Variants in SLC29A4 observed in about 807,000 individuals in gnomAD.
SLC29A4 encodes the protein solute carrier family 29 member 4, also known as equilibrative nucleoside transporter 4.
Under a neutral mutation model 43.9 loss-of-function variants are expected in SLC29A4, and 36 were observed. The observed-to-expected ratio is 0.82, with a 90% CI of 0.63 to 1.08. The LOEUF (loss-of-function observed/expected upper bound fraction) is 1.08. SLC29A4 is among the 50% of genes least tolerant of loss of function. SLC29A4 has a pLI of 0.00. For missense variants in SLC29A4, 869 were observed against 755.3 expected (o/e 1.15, Z -1.77); for synonymous variants, 491 against 338.0 (o/e 1.45, Z -4.97).
At chr7:5,292,839 C>T (rs1350963004) in intron 5 of SLC29A4, among the ~76,000 whole-genome samples, 1 of 151,440 alleles carries the variant, frequency 6.6e-6, no homozygotes, top group African/African-American at 2.4e-5. Context: ...ACTGGGATTA[C>T]AGGTGCCCGC....
Position 5,299,043 on chromosome 7 carries a change from A to C in SLC29A4, c.938A>C (p.His313Pro). 6.2e-7 allele frequency: 1 copy of C among 1,612,170 alleles called. No individual in the cohort carries two copies. The highest frequency in any genetic ancestry group is 2.2e-5 in the East Asian group (1 of 44,858). Reference sequence around the variant, plus strand: ...GAGTCCCCAAAGGACAGCCCAGCCCACGAGGTGACCGGCAGCGGCGGGGCC... The same window carrying C: ...GAGTCCCCAAAGGACAGCCCAGCCCCCGAGGTGACCGGCAGCGGCGGGGCC... ...PNESPKDSPAHEVTGSGGAYM... is the reference protein window; with the variant it reads ...PNESPKDSPAPEVTGSGGAYM... The change falls in exon 8 of 11, where the codon CAC (histidine) becomes CCC (proline). Residue 313 changes from histidine (H) to proline (P), a missense_variant. His to Pro is a moderately conservative substitution (Grantham distance 77, BLOSUM62 -2). Transcript: ENST00000396872.
At chr7:5,294,487 G>A (rs1785515648) in intron 5 of SLC29A4, among the ~76,000 whole-genome samples, 2 of 152,114 alleles carry the variant, frequency 1.3e-5, no homozygotes, top group African/African-American at 4.8e-5. Flanking sequence ...GGTGAAGGGT[G>A]TTATGCTCCA....
chr7:5,293,729 C>T (rs1785460846), intron 5 of SLC29A4, among the ~76,000 whole-genome samples: 3 of 152,188 alleles, frequency 2.0e-5, no homozygotes, highest in Admixed American at 1.3e-4. Context: ...ACTGCAGCCT[C>T]AACCTCATGG....
In SLC29A4 at chr7:5,305,716, C is replaced by G. The variant is rs1232901338; in HGVS notation, c.*2777C>G. 6.6e-6 allele frequency: 1 copy of G among 151,890 alleles called. No individual in the cohort carries two copies. Among genetic ancestry groups the G allele is most frequent in the Non-Finnish European group, 1.5e-5 (1 of 68,010 alleles). The allele number at this position is 151,890 out of a possible 1,614,324, so 9.4% of individuals were successfully genotyped here. A position where few individuals can be genotyped will look rare whatever the true frequency, so the allele number is the denominator to read the frequency against. ...GGGATTACAGGCATGTGCCACCATG[C>G]CCGGCTAATTTTGTGCTTTTAGTAG... On this transcript the variant is annotated 3_prime_UTR_variant, in exon 11 of 11. Transcript: ENST00000396872.
At chr7:5,294,624 T>C (rs576127536) in intron 5 of SLC29A4, among the ~76,000 whole-genome samples, 2 of 152,260 alleles carry the variant, frequency 1.3e-5, no homozygotes, top group South Asian at 4.1e-4. Context: ...CCTTGCCCAG[T>C]AGTGACGTGT....
intron 9 of SLC29A4, among the ~76,000 whole-genome samples, chr7:5,300,116 C>T (rs1017298750): frequency 1.3e-5 from 2 of 152,168 alleles, no homozygotes; most frequent in African/African-American, 2.4e-5. Flanking sequence ...CCTATGGTCC[C>T]AGCTAGTCGG....
At chr7:5,286,388 C>T (rs372415103) in intron 1 of SLC29A4, among the ~76,000 whole-genome samples, 2 of 151,430 alleles carry the variant, frequency 1.3e-5, no homozygotes, top group African/African-American at 4.9e-5. Context: ...CCGGGTGTGG[C>T]GGCGGGCACC....
chr7:5,300,125 G>A lies in SLC29A4; in HGVS notation c.1210-297G>A, dbSNP rs552041139. ...TGCGTGCCTATGGTCCCAGCTAGTC[G>A]GGAGGCTGAGGTGGGAGGATGGCTT... On this transcript the variant is annotated intron_variant, in intron 9 of 10. Transcript: ENST00000396872. Among the ~76,000 whole-genome samples the A allele has an allele frequency of 7.2e-5, 11 of 152,318 alleles. 1 individual carries two copies. In the South Asian group the frequency reaches 2.3e-3, roughly 32 times the overall value.
intron 2 of SLC29A4, among the ~76,000 whole-genome samples, chr7:5,290,329 C>A (rs1346995700): frequency 6.6e-6 from 1 of 152,186 alleles, no homozygotes; most frequent in African/African-American, 2.4e-5. Context: ...TCCCAAAGTG[C>A]TGGGATTACA....
intron 7 of SLC29A4, 147 bp from the exon 8 acceptor site, chr7:5,298,841 T>TG: frequency 1.2e-6 from 1 of 804,870 alleles, no homozygotes; most frequent in East Asian, 2.7e-5. Context: ...CTTGATAAAG[T>TG]GGAGGAGGGG....
intron 6 of SLC29A4, 148 bp from the exon 7 acceptor site, chr7:5,296,788 G>T (rs1785704420): frequency 2.3e-6 from 2 of 881,340 alleles, no homozygotes; most frequent in Non-Finnish European, 1.6e-6. Context: ...GCCTGTGGTG[G>T]AGGGCGGGGC....
intron 10 of SLC29A4, among the ~76,000 whole-genome samples, 166 bp from the exon 11 acceptor site, chr7:5,302,631 G>GGAAGGA (rs1786247445): frequency 6.6e-6 from 1 of 152,198 alleles, no homozygotes; most frequent in Admixed American, 6.5e-5. Flanking sequence ...GAAGGAATGA[G>GGAAGGA]GAAGGACAGG....
At position 5,300,500 on chromosome 7, in the gene SLC29A4, C is replaced by G. The variant is rs370189884; in HGVS notation, c.1288C>G (p.Leu430Val). The change falls in exon 10 of 11, where the codon CTC (leucine) becomes GTC (valine). Residue 430 changes from leucine to valine, a missense_variant. Transcript: ENST00000396872. ...CSCLRVVFIP[L>V]FILCVYPSGM... The stretch of plus-strand genomic sequence containing the variant: ...CTGCCTGCGTGTGGTCTTCATCCCC[C>G]TCTTCATCCTGTGCGTCTACCCCAG... The G allele has an allele frequency of 1.2e-6, 2 of 1,612,044 alleles. No individual in the cohort carries two copies. The highest frequency in any genetic ancestry group is 1.7e-6 in the Non-Finnish European group (2 of 1,179,784).
rs577082998 is a variant in SLC29A4, at chr7:5,290,253, T to C, written c.170-479T>C. Reference sequence around the variant, plus strand: ...GGTTTTTTTGTATTTTTAGTAGAGATGGGGTTTCACCGTGTTAGCCAGGAT... The same window carrying C: ...GGTTTTTTTGTATTTTTAGTAGAGACGGGGTTTCACCGTGTTAGCCAGGAT... On this transcript the variant is annotated intron_variant, in intron 2 of 10. Transcript: ENST00000396872. Among the ~76,000 whole-genome samples the C allele has an allele frequency of 1.1e-4, 16 of 152,228 alleles. No individual in the cohort carries two copies. In the South Asian group the frequency reaches 2.9e-3, roughly 28 times the overall value.
chr7:5,297,410 C>T (rs973610152), intron 7 of SLC29A4, among the ~76,000 whole-genome samples: 4 of 152,236 alleles, frequency 2.6e-5, no homozygotes, highest in African/African-American at 7.2e-5. Flanking sequence ...TGGCCTAAGG[C>T]CCCACTCCAC....
chr7:5,285,676 TG>T (rs1232695727), intron 1 of SLC29A4, among the ~76,000 whole-genome samples: 3 of 152,042 alleles, frequency 2.0e-5, no homozygotes, highest in Admixed American at 6.6e-5. Context: ...ACCCAGGAGA[TG>T]GGACAAGAGC....
intron 2 of SLC29A4, among the ~76,000 whole-genome samples, chr7:5,289,132 C>A (rs1785149599): frequency 6.6e-6 from 1 of 152,300 alleles, no homozygotes; most frequent in South Asian, 2.1e-4. Flanking sequence ...CACGGTGGCT[C>A]ATGCCTATAA....
chr7:5,297,291 C>G, intron 7 of SLC29A4, 93 bp downstream of exon 7: 3 of 1,378,492 alleles, frequency 2.2e-6, no homozygotes, highest in Non-Finnish European at 2.9e-6. Flanking sequence ...AGCCTCTCAC[C>G]TGCATCCCAG....
rs370980296 is a variant in SLC29A4 at position 5,290,701 on chromosome 7, G to C, written c.170-31G>C. The C allele has an allele frequency of 2.1e-5, 34 of 1,589,904 alleles. No individual in the cohort carries two copies. In the East Asian group the frequency reaches 7.4e-4, roughly 35 times the overall value. ...GTGACTGTAGCCATGCGTGGAGCGTGCCCCGTCTCACCTGGTGTCTCTGGC... is the reference window on the plus strand; with the variant it reads ...GTGACTGTAGCCATGCGTGGAGCGTCCCCCGTCTCACCTGGTGTCTCTGGC... On this transcript the variant is annotated intron_variant, in intron 2 of 10. Transcript: ENST00000396872.
Sources: gnomAD v4.1 joint callset for allele counts (sites outside exome capture counted in the v4.1 genomes callset) on GRCh38, gnomAD v4.1.1 for gene constraint, MANE v1.5 for transcripts, NCBI Gene and HGNC (gene_info 2026-07-23, HGNC 2026-07-21) for gene names.